PIK3C2A: variants seen among roughly 807,000 people sequenced by gnomAD.
The protein encoded by PIK3C2A is phosphatidylinositol 4-phosphate 3-kinase C2 domain-containing subunit alpha.
Under a neutral mutation model 204.5 loss-of-function variants are expected in PIK3C2A, and 97 were observed. The ratio of observed to expected loss-of-function variants is 0.47; its 90% CI spans 0.40 to 0.56. The LOEUF is 0.56. PIK3C2A is among the 20% of genes least tolerant of loss of function. PIK3C2A has a pLI of 0.00. For synonymous variants in PIK3C2A, 653 were observed against 664.4 expected (o/e 0.98, Z 0.26); for missense variants, 1,735 against 1,969.2 (o/e 0.88, Z 2.25).
intron 22 of PIK3C2A, among the ~76,000 whole-genome samples, chr11:17,106,477 G>C (rs1848823326): frequency 6.6e-6 from 1 of 152,124 alleles, no homozygotes; most frequent in African/African-American, 2.4e-5. Context: ...ATTTTCAAAA[G>C]TATCTAACAT....
At chr11:17,207,495 G>A (rs1165360140) in intron 1 of PIK3C2A, among the ~76,000 whole-genome samples, 4 of 152,222 alleles carry the variant, frequency 2.6e-5, no homozygotes, top group Non-Finnish European at 4.4e-5. Flanking sequence ...CGGTCCCGCG[G>A]GACAAGGCGG....
At chr11:17,194,913 G>A (rs202169519) in intron 1 of PIK3C2A, among the ~76,000 whole-genome samples, 79 of 141,710 alleles carry the variant, frequency 5.6e-4, no homozygotes, top group African/African-American at 6.0e-4. Flanking sequence ...CCATCTCGAA[G>A]AAAAAAAAAA....
rs371145795 is a variant in PIK3C2A, at chr11:17,122,449, T to C, written c.2512-116A>G. ...AATCGGGGCATATTTACATTGAATATTAAATTAATGCTTCTTGTTGCAATT... is the reference window on the plus strand; with the variant it reads ...AATCGGGGCATATTTACATTGAATACTAAATTAATGCTTCTTGTTGCAATT... On this transcript the variant is annotated intron_variant, in intron 14 of 32. Coordinates refer to ENST00000691414, the MANE Select transcript of PIK3C2A (RefSeq NM_002645.4). 4.9e-4 allele frequency: 337 copies of C among 686,640 alleles called. 1 individual carries two copies. In the African/African-American group the frequency reaches 5.6e-3, roughly 11 times the overall value. The allele number at this position is 686,640 out of a possible 1,614,324, so 42.5% of individuals were successfully genotyped here.
chr11:17,093,410 G>T (rs1220364205), intron 28 of PIK3C2A, among the ~76,000 whole-genome samples: 1 of 152,050 alleles, frequency 6.6e-6, no homozygotes, highest in African/African-American at 2.4e-5. Context: ...GGGACTACAG[G>T]CGCCTGCCAC....
chr11:17,133,264 CGTGT>C (rs147571781), intron 11 of PIK3C2A, among the ~76,000 whole-genome samples: 1 of 149,478 alleles, frequency 6.7e-6, no homozygotes, highest in African/African-American at 2.5e-5. Context: ...TATGTACAAA[CGTGT>C]GTGTGTGTGT....
rs1852652138 is a variant in PIK3C2A, at chr11:17,207,930, GCT to G, written c.-150_-149del. ...TCCGAGCCATTTTTCCCCTCAGCTG[GCT>G]CAGCCGCCGCCGAAAGCTTCGGCCG... On this transcript the variant is annotated 5_prime_UTR_variant, in exon 1 of 33. Transcript: ENST00000691414. 2.0e-5 allele frequency: 3 copies of G among 152,450 alleles called. No individual in the cohort carries two copies. The highest frequency in any genetic ancestry group is 4.8e-5 in the African/African-American group (2 of 41,460). The allele number at this position is 152,450 out of a possible 1,614,324, so 9.4% of individuals were successfully genotyped here.
intron 3 of PIK3C2A, among the ~76,000 whole-genome samples, chr11:17,151,038 A>C (rs1005604747): frequency 6.6e-6 from 1 of 152,192 alleles, no homozygotes; most frequent in Non-Finnish European, 1.5e-5. Context: ...TAAAACTATA[A>C]TGGCCAAAAG....
rs1202767898 is a variant in PIK3C2A at position 17,089,405 on chromosome 11, G to C, written c.*333C>G. 5.5e-6 allele frequency: 1 copy of C among 182,384 alleles called. No individual in the cohort carries two copies. Among genetic ancestry groups the C allele is most frequent in the Non-Finnish European group, 1.1e-5 (1 of 88,100 alleles). The allele number at this position is 182,384 out of a possible 1,614,324, so 11.3% of individuals were successfully genotyped here. On this transcript the variant is annotated 3_prime_UTR_variant, in exon 33 of 33. Coordinates refer to ENST00000691414, the MANE Select transcript of PIK3C2A (RefSeq NM_002645.4). ...AACACATATGCTTTGCCTCCTTATA[G>C]AAAACAATGCAAAATAGGTGGCTGA...
Position 17,102,809 on chromosome 11 carries a change from G to A in PIK3C2A, c.3704C>T (p.Ser1235Phe), listed in dbSNP as rs749558726. The stretch of plus-strand genomic sequence containing the variant: ...GGTGGCTACACAGCATCCAGCACAG[G>A]AATAGATAAAGTTCTCTGAAGCCTA... ...YEKASENFIY[S>F]CAGCCVATYV... The change falls in exon 24 of 33, where the codon TCC becomes TTC. Residue 1235 changes from serine (S) to phenylalanine (F), a missense_variant. Ser to Phe is a radical substitution (Grantham distance 155). Coordinates refer to ENST00000691414, the MANE Select transcript of PIK3C2A (RefSeq NM_002645.4). 1.2e-6 allele frequency: 2 copies of A among 1,601,688 alleles called. No homozygotes were observed. The highest frequency in any genetic ancestry group is 1.7e-6 in the Non-Finnish European group (2 of 1,174,324).
rs775215087 is a variant in PIK3C2A at position 17,094,351 on chromosome 11, A to G, written c.4361T>C (p.Ile1454Thr). ...YVVRILREGQIEPSFVFRTFD... is the reference protein window; with the variant it reads ...YVVRILREGQTEPSFVFRTFD... ...TGTTCGGAAGACAAATGATGGTTCA[A>G]TCTGTCCTTCCCTCAAAATTCGGAC... Residue 1454 changes from isoleucine to threonine, a missense_variant, in exon 28 of 33, where the codon ATT (isoleucine) becomes ACT (threonine). Ile to Thr is a moderately conservative substitution (Grantham distance 89). Transcript: ENST00000691414. 9 of 1,609,850 alleles carry G rather than the reference A, an allele frequency of 5.6e-6. No individual in the cohort carries two copies. The Admixed American group carries it at 1.2e-4, about 21-fold the overall frequency.
intron 22 of PIK3C2A, among the ~76,000 whole-genome samples, chr11:17,108,341 T>A (rs1025790419): frequency 2.0e-5 from 3 of 152,180 alleles, no homozygotes; most frequent in African/African-American, 7.2e-5. Flanking sequence ...CAGCGGTGCA[T>A]GCCTACACTC....
chr11:17,094,132 G>T, intron 28 of PIK3C2A, 129 bp downstream of exon 28: 2 of 614,726 alleles, frequency 3.3e-6, no homozygotes, highest in Non-Finnish European at 5.4e-6. Context: ...AGGTCTTTAT[G>T]ACACAAAGGA....
At position 17,110,550 on chromosome 11, in the gene PIK3C2A, A is replaced by G. The variant is rs1356118588; in HGVS notation, c.3426T>C (p.Asp1142=). ...GTAAAGCTAACATATCTTGCCGAAG[A>G]TCTTCACCAACCTTGAAATCAAGGA... is the stretch of plus-strand genomic sequence containing the variant. ...EINVMFKVGE[D]LRQDMLALQM... The change falls in exon 22 of 33, where the codon GAT becomes GAC. Residue 1142 remains aspartate, a synonymous_variant. Coordinates refer to ENST00000691414, the MANE Select transcript of PIK3C2A (RefSeq NM_002645.4). The G allele has an allele frequency of 6.2e-7, 1 of 1,610,222 alleles. No individual in the cohort carries two copies. The highest frequency in any genetic ancestry group is 2.2e-5 in the East Asian group (1 of 44,818).
At chr11:17,117,436 T>C (rs536258164) in intron 19 of PIK3C2A, 55 bp downstream of exon 19, 202 of 1,268,440 alleles carry the variant, frequency 1.6e-4, no homozygotes, top group Non-Finnish European at 1.2e-4. Flanking sequence ...GTCAGCACCA[T>C]AAAGATCCTT....
At chr11:17,096,779 T>C (rs1374522535) in intron 27 of PIK3C2A, among the ~76,000 whole-genome samples, 1 of 152,176 alleles carries the variant, frequency 6.6e-6, no homozygotes, top group African/African-American at 2.4e-5. Context: ...GAATAGGAAC[T>C]TTGACTTTTT....
At chr11:17,174,078 G>C in intron 1 of PIK3C2A, among the ~76,000 whole-genome samples, 1 of 151,556 alleles carries the variant, frequency 6.6e-6, no homozygotes, top group East Asian at 2.0e-4. Context: ...CACCTGCCTC[G>C]GCCTCCCAAA....
At chr11:17,090,896 T>C (rs1241458913) in intron 32 of PIK3C2A, among the ~76,000 whole-genome samples, 3 of 151,726 alleles carry the variant, frequency 2.0e-5, no homozygotes, top group Admixed American at 2.0e-4. Context: ...CGTGCCACCA[T>C]GCCTAGCTAA....
chr11:17,139,822 T>C (rs1850000482), intron 8 of PIK3C2A, among the ~76,000 whole-genome samples: 1 of 152,144 alleles, frequency 6.6e-6, no homozygotes, highest in Non-Finnish European at 1.5e-5. Context: ...GACCAAACTC[T>C]CTTCTGTCCT....
At chr11:17,101,817 AT>A (rs1350157586) in intron 24 of PIK3C2A, among the ~76,000 whole-genome samples, 1 of 151,616 alleles carries the variant, frequency 6.6e-6, no homozygotes, top group Non-Finnish European at 1.5e-5. Context: ...GTTAGCCAGG[AT>A]GGTCTCGATC....
Sources: allele counts gnomAD v4.1 joint callset (sites outside exome capture counted in the v4.1 genomes callset), GRCh38; gene constraint gnomAD v4.1.1; transcripts MANE v1.5; gene names NCBI Gene and HGNC (gene_info 2026-07-23, HGNC 2026-07-21).